Variants in RARB observed in about 807,000 individuals in gnomAD.
RARB encodes the protein retinoic acid receptor beta.
RARB carries 17 observed loss-of-function variants against 51.9 expected under a neutral mutation model. The ratio of observed to expected loss-of-function variants is 0.33; its 90% confidence interval spans 0.22 to 0.49. The LOEUF (loss-of-function observed/expected upper bound fraction) is 0.49, where lower values mean the gene tolerates loss of function less well. Ranked by LOEUF, RARB falls within the 20% of genes least tolerant of loss-of-function variation. RARB has a pLI of 0.99. For missense variants in RARB, 369 were observed against 550.8 expected (o/e 0.67, Z 3.30); for synonymous variants, 215 against 195.4 (o/e 1.10, Z -0.84).
chr3:24,947,564 C>T (rs930323498), intron 2 of RARB, among the ~76,000 whole-genome samples: 48 of 152,220 alleles, frequency 3.2e-4, no homozygotes, highest in African/African-American at 1.1e-3. Flanking sequence ...TTATGGAGTT[C>T]CACGGGGATA....
rs148019280 is a variant in RARB at position 25,183,684 on chromosome 3, A to G, written c.178+9109A>G. 2.8e-4 allele frequency among the ~76,000 whole-genome samples: 43 copies of G among 152,158 alleles called. No individual in the cohort carries two copies. In the East Asian group the frequency reaches 7.9e-3, roughly 28 times the overall value. On this transcript the variant is annotated intron_variant, in intron 5 of 11. Coordinates refer to the RARB transcript ENST00000383772. Reference sequence around the variant, plus strand: ...GCTTATCTTCTAGTCTCTCTTTAGGATTTGTATACTATAAATTTATCGTAC... The same window carrying G: ...GCTTATCTTCTAGTCTCTCTTTAGGGTTTGTATACTATAAATTTATCGTAC...
At chr3:25,110,336 T>A (rs1264156922) in intron 3 of RARB, among the ~76,000 whole-genome samples, 1 of 152,216 alleles carries the variant, frequency 6.6e-6, no homozygotes, top group African/African-American at 2.4e-5. Flanking sequence ...ATATGTGTTA[T>A]CTCATTTAAG....
At chr3:24,964,355 C>CT (rs1002235326) in intron 2 of RARB, among the ~76,000 whole-genome samples, 3 of 151,940 alleles carry the variant, frequency 2.0e-5, no homozygotes, top group South Asian at 2.1e-4. Context: ...GAAATATCCT[C>CT]TTTTTTTTCT....
At chr3:25,308,747 C>T (rs1704213475) in intron 5 of RARB, among the ~76,000 whole-genome samples, 1 of 152,172 alleles carries the variant, frequency 6.6e-6, no homozygotes, top group Non-Finnish European at 1.5e-5. Flanking sequence ...TGCACCCAGC[C>T]TCCGTGAGTA....
chr3:25,529,660 G>T (rs538008772), intron 3 of RARB, among the ~76,000 whole-genome samples: 3 of 152,106 alleles, frequency 2.0e-5, no homozygotes, highest in Non-Finnish European at 4.4e-5. Context: ...CTTCGGGGGT[G>T]TTGGAACTAT....
chr3:25,233,852 C>T (rs974247044), intron 5 of RARB, among the ~76,000 whole-genome samples: 3 of 150,956 alleles, frequency 2.0e-5, no homozygotes, highest in African/African-American at 7.3e-5. Context: ...GGTTCATCTT[C>T]CTTAATCTGT....
At chr3:25,535,915 A>C in intron 3 of RARB, among the ~76,000 whole-genome samples, 1 of 152,132 alleles carries the variant, frequency 6.6e-6, no homozygotes, top group East Asian at 1.9e-4. Flanking sequence ...AATATTCTCA[A>C]CTTGCAATGG....
At chr3:25,288,708 A>C (rs1276036623) in intron 5 of RARB, among the ~76,000 whole-genome samples, 2 of 152,094 alleles carry the variant, frequency 1.3e-5, no homozygotes, top group Non-Finnish European at 2.9e-5. Context: ...GCCAAGCAGA[A>C]CTGTCTCAGA....
chr3:25,463,006 T>A (rs947089873), intron 2 of RARB, among the ~76,000 whole-genome samples: 2 of 152,352 alleles, frequency 1.3e-5, no homozygotes, highest in Admixed American at 1.3e-4. Context: ...TTTGTTCTTC[T>A]TTTAAATAAA....
At chr3:25,117,963 A>G (rs926316241) in intron 3 of RARB, among the ~76,000 whole-genome samples, 12 of 152,202 alleles carry the variant, frequency 7.9e-5, no homozygotes, top group African/African-American at 2.7e-4. Flanking sequence ...GAACCAGCAC[A>G]TCACTGAAGT....
At chr3:24,923,671 A>AG (rs1695262943) in intron 2 of RARB, among the ~76,000 whole-genome samples, 1 of 152,180 alleles carries the variant, frequency 6.6e-6, no homozygotes, top group South Asian at 2.1e-4. Context: ...TACCTTAAAG[A>AG]GGACTGTTTA....
intron 3 of RARB, among the ~76,000 whole-genome samples, chr3:25,080,156 T>C (rs1025253597): frequency 6.6e-6 from 1 of 152,212 alleles, no homozygotes; most frequent in Non-Finnish European, 1.5e-5. Context: ...TTTGCCTGTT[T>C]TGGGTATTTC....
chr3:25,595,035 T>G (rs1701764739), intron 7 of RARB, among the ~76,000 whole-genome samples: 2 of 152,220 alleles, frequency 1.3e-5, no homozygotes, highest in South Asian at 4.1e-4. Flanking sequence ...CAGTTTTTCT[T>G]GAATATCTAA....
chr3:25,488,765 C>A (rs1660231299), intron 2 of RARB, among the ~76,000 whole-genome samples: 1 of 152,174 alleles, frequency 6.6e-6, no homozygotes, highest in Non-Finnish European at 1.5e-5. Flanking sequence ...TGTCTAAAGC[C>A]AGCAATTTTG....
intron 5 of RARB, among the ~76,000 whole-genome samples, chr3:25,202,541 A>G (rs1210968391): frequency 1.3e-5 from 2 of 152,132 alleles, no homozygotes; most frequent in Non-Finnish European, 2.9e-5. Context: ...TGTCAATTTT[A>G]GATCTTTCCT....
chr3:25,301,543 C>G (rs1704038808), intron 5 of RARB, among the ~76,000 whole-genome samples: 1 of 152,190 alleles, frequency 6.6e-6, no homozygotes, highest in African/African-American at 2.4e-5. Context: ...TGGATATGTA[C>G]TTGTTAATTA....
chr3:24,852,381 G>T (rs1370355281), intron 1 of RARB, among the ~76,000 whole-genome samples: 23 of 152,234 alleles, frequency 1.5e-4, no homozygotes, highest in Non-Finnish European at 2.9e-5. Context: ...AGTGATTGTG[G>T]AGTCACTGGA....
At chr3:25,295,319 G>C (rs560888802) in intron 5 of RARB, among the ~76,000 whole-genome samples, 14 of 152,274 alleles carry the variant, frequency 9.2e-5, no homozygotes, top group African/African-American at 3.1e-4. Context: ...CTTCATCAAT[G>C]GCATTAGTGC....
intron 2 of RARB, among the ~76,000 whole-genome samples, chr3:25,027,373 A>G (rs1401640927): frequency 6.6e-6 from 1 of 152,130 alleles, no homozygotes; most frequent in African/African-American, 2.4e-5. Flanking sequence ...TATGGGCAAG[A>G]CATGGCTTCT....
Sources: gnomAD v4.1 joint callset for allele counts (sites outside exome capture counted in the v4.1 genomes callset) on GRCh38, gnomAD v4.1.1 for gene constraint, MANE v1.5 for transcripts, NCBI Gene and HGNC (gene_info 2026-07-23, HGNC 2026-07-21) for gene names.